Variants in NPL observed in about 807,000 individuals in gnomAD.
The protein encoded by NPL is N-acetylneuraminate lyase.
In NPL, 32 loss-of-function variants were observed where a neutral mutation model predicts 41.1. That is an observed-to-expected ratio of 0.78 (90% CI 0.59 to 1.05). NPL has a LOEUF of 1.05. Among genes scored for constraint, NPL ranks in the 50% least tolerant of loss-of-function variants. The pLI, the probability that NPL is intolerant of heterozygous loss-of-function variation, is 0.00. For missense variants in NPL, 321 were observed against 378.4 expected (o/e 0.85, Z 1.26); for synonymous variants, 128 against 134.9 (o/e 0.95, Z 0.35).
chr1:182,819,683 C>T (rs758035412), intron 10 of NPL, among the ~76,000 whole-genome samples: 2 of 152,074 alleles, frequency 1.3e-5, no homozygotes, highest in Non-Finnish European at 2.9e-5. Context: ...ACGGGTGAGA[C>T]ACATGACCAC....
intron 4 of NPL, among the ~76,000 whole-genome samples, chr1:182,805,730 A>G (rs1666988650): frequency 6.6e-6 from 1 of 152,176 alleles, no homozygotes; most frequent in African/African-American, 2.4e-5. Flanking sequence ...AAATGGAGAT[A>G]GTTTGAGATC....
intron 10 of NPL, among the ~76,000 whole-genome samples, chr1:182,821,096 T>C (rs1462351491): frequency 6.6e-6 from 1 of 152,218 alleles, no homozygotes; most frequent in Non-Finnish European, 1.5e-5. Flanking sequence ...TCCTCAGACA[T>C]TGTTCTTCCT....
In NPL at chr1:182,814,830, A is replaced by G. The variant is rs1235993300; in HGVS notation, c.336A>G (p.Ala112=). 2.5e-6 allele frequency: 4 copies of G among 1,614,066 alleles called. No individual in the cohort carries two copies. In the South Asian group the frequency reaches 3.3e-5, roughly 13 times the overall value. Residue 112 remains alanine, a synonymous_variant, in exon 7 of 13, where the codon GCA becomes GCG. Transcript: ENST00000367553. ...GAGCTGATGGCATCGCTGTCATTGC[A>G]CCGTTCTTCCTCAAGCCATGGACCA... The part of the protein sequence containing the change: ...EIGADGIAVI[A]PFFLKPWTKD...
chr1:182,819,038 G>A (rs1236235503), intron 10 of NPL, among the ~76,000 whole-genome samples, 179 bp downstream of exon 10: 1 of 152,234 alleles, frequency 6.6e-6, no homozygotes, highest in Non-Finnish European at 1.5e-5. Flanking sequence ...TTCAGTCATT[G>A]GACTGGGCAT....
In NPL at chr1:182,806,193, G is replaced by A. The variant is rs149443533; in HGVS notation, c.191G>A (p.Arg64His). Residue 64 changes from arginine to histidine, a missense_variant, in exon 5 of 13, where the codon CGC (arginine) becomes CAC (histidine). Coordinates refer to ENST00000367553, the MANE Select transcript of NPL (RefSeq NM_030769.3). ...EGLSLSVSER[R>H]QVAEEWVTKG... Reference sequence around the variant, plus strand: ...CTGTCCCTGAGCGTCTCAGAGCGTCGCCAGGTTGCAGAGGAGTGGGTGACA... The same window carrying A: ...CTGTCCCTGAGCGTCTCAGAGCGTCACCAGGTTGCAGAGGAGTGGGTGACA... The A allele has an allele frequency of 3.8e-5, 62 of 1,614,076 alleles. No homozygotes were observed. Among genetic ancestry groups the A allele is most frequent in the African/African-American group, 2.8e-4 (21 of 74,934 alleles).
intron 3 of NPL, among the ~76,000 whole-genome samples, 169 bp from the exon 4 acceptor site, chr1:182,803,529 C>G (rs1016828932): frequency 2.0e-5 from 3 of 147,254 alleles, no homozygotes; most frequent in African/African-American, 5.3e-5. Context: ...TCACCAGATT[C>G]AGGGGGGGAA....
At chr1:182,793,356 G>A (rs1231168746) in intron 2 of NPL, among the ~76,000 whole-genome samples, 3 of 152,174 alleles carry the variant, frequency 2.0e-5, no homozygotes, top group Non-Finnish European at 4.4e-5. Flanking sequence ...CTCTCTGCCA[G>A]ATGGTGAGAG....
intron 1 of NPL, among the ~76,000 whole-genome samples, chr1:182,791,085 C>G (rs900536945): frequency 2.6e-5 from 4 of 152,132 alleles, no homozygotes; most frequent in Non-Finnish European, 5.9e-5. Context: ...GGAGAGGAGC[C>G]AAAACCACCC....
At chr1:182,807,376 G>T (rs1203002532) in intron 5 of NPL, among the ~76,000 whole-genome samples, 2 of 152,180 alleles carry the variant, frequency 1.3e-5, no homozygotes, top group African/African-American at 2.4e-5. Context: ...GAGGTTGTCA[G>T]TGTGAAGCCC....
chr1:182,821,341 T>G (rs936761955), intron 10 of NPL, among the ~76,000 whole-genome samples: 1 of 152,246 alleles, frequency 6.6e-6, no homozygotes, highest in Non-Finnish European at 1.5e-5. Context: ...AAGAATTCAG[T>G]GACTTATTTA....
chr1:182,795,191 G>T (rs1455462682), intron 3 of NPL, among the ~76,000 whole-genome samples: 1 of 152,114 alleles, frequency 6.6e-6, no homozygotes, highest in African/African-American at 2.4e-5. Context: ...CCACCTCCTG[G>T]ATCTATATGT....
Position 182,818,785 on chromosome 1 carries a change from C to A in NPL, c.607-28C>A, listed in dbSNP as rs10911141. On this transcript the variant is annotated intron_variant, in intron 9 of 12. Coordinates refer to ENST00000367553, the MANE Select transcript of NPL (RefSeq NM_030769.3). ...ATCTCTTCTCTTTCTCTTTTTTATA[C>A]AAGTGAATATTTTTTGTTTCTGATT... 0.024 allele frequency: 38,374 copies of A among 1,613,562 alleles called. 2,773 individuals are homozygous for A. In the African/African-American group the frequency reaches 0.25, roughly 11 times the overall value.
intron 10 of NPL, among the ~76,000 whole-genome samples, chr1:182,821,496 C>T (rs1427144519): frequency 1.3e-5 from 2 of 152,058 alleles, no homozygotes; most frequent in Non-Finnish European, 2.9e-5. Context: ...AACCCTGAAG[C>T]CCTTCTTTAA....
chr1:182,828,619 A>AC lies in NPL; in HGVS notation c.779-102dup. The AC allele has an allele frequency of 7.1e-7, 1 of 1,412,212 alleles. No homozygotes were observed. The highest frequency in any genetic ancestry group is 1.4e-5 in the African/African-American group (1 of 70,806). 87.5% of individuals were successfully genotyped at this position (1,412,212 alleles called of 1,614,324 possible). A position where few individuals can be genotyped will look rare whatever the true frequency, so the allele number is the denominator to read the frequency against. On this transcript the variant is annotated intron_variant, in intron 12 of 12. Coordinates refer to ENST00000367553, the MANE Select transcript of NPL (RefSeq NM_030769.3). The surrounding 1 kb of genome is among the most constrained non-coding windows in gnomAD (Gnocchi z 4.0). ...TGTTCCCATCTTTTGTTTTAATCTT[A>AC]CCCTGTTGTAGTAGTTGCTGTTAGC...
At chr1:182,794,634 CAG>C (rs988775363) in intron 3 of NPL, among the ~76,000 whole-genome samples, 195 bp downstream of exon 3, 1 of 152,240 alleles carries the variant, frequency 6.6e-6, no homozygotes, top group African/African-American at 2.4e-5. Flanking sequence ...ACCCCAAAGT[CAG>C]AGAAGCACTA....
intron 11 of NPL, among the ~76,000 whole-genome samples, chr1:182,823,018 G>A (rs1165976795): frequency 2.0e-5 from 3 of 152,174 alleles, no homozygotes; most frequent in South Asian, 2.1e-4. Flanking sequence ...ACAGGCATGC[G>A]CCACCATGCC....
intron 3 of NPL, among the ~76,000 whole-genome samples, chr1:182,803,257 G>A (rs775001228): frequency 5.3e-5 from 8 of 152,290 alleles, no homozygotes; most frequent in Non-Finnish European, 8.8e-5. Flanking sequence ...AGGCATGATG[G>A]CTCATACTTG....
intron 1 of NPL, among the ~76,000 whole-genome samples, chr1:182,790,340 T>C (rs1210466509): frequency 1.3e-5 from 2 of 152,214 alleles, no homozygotes; most frequent in Non-Finnish European, 2.9e-5. Flanking sequence ...AGTGTTCTTA[T>C]CTGTGGATGG....
chr1:182,822,031 C>T (rs1367138209), intron 10 of NPL, 84 bp from the exon 11 acceptor site: 29 of 906,710 alleles, frequency 3.2e-5, no homozygotes, highest in Non-Finnish European at 5.3e-5. Context: ...GTATTTTTTC[C>T]CTTTTAAACA....
Sources: gnomAD v4.1 joint callset for allele counts (sites outside exome capture counted in the v4.1 genomes callset) on GRCh38, gnomAD v4.1.1 for gene constraint, Gnocchi (gnomAD v3.1) non-coding constraint, MANE v1.5 for transcripts, NCBI Gene and HGNC (gene_info 2026-07-23, HGNC 2026-07-21) for gene names.